TNIK: variants seen among roughly 807,000 people sequenced by gnomAD.
The protein encoded by TNIK is TRAF2 and NCK interacting kinase.
TNIK carries 49 observed loss-of-function variants against 191.3 expected under a neutral mutation model. That is an observed-to-expected ratio of 0.26 (90% confidence interval 0.20 to 0.32). The LOEUF (loss-of-function observed/expected upper bound fraction) is 0.32, where lower values mean the gene tolerates loss of function less well. Ranked by LOEUF, TNIK falls within the 10% of genes least tolerant of loss-of-function variation. The pLI, the probability that TNIK is intolerant of heterozygous loss-of-function variation, is 1.00. For missense variants in TNIK, 1,155 were observed against 1,702.3 expected (o/e 0.68, Z 5.66); for synonymous variants, 594 against 600.9 (o/e 0.99, Z 0.17).
chr3:171,100,787 A>G (rs1327764658), intron 22 of TNIK, among the ~76,000 whole-genome samples: 1 of 152,050 alleles, frequency 6.6e-6, no homozygotes, highest in Non-Finnish European at 1.5e-5. Flanking sequence ...TTACTAAAGA[A>G]AATGTAGGTA....
chr3:171,171,375 G>C (rs1027279906), intron 9 of TNIK, among the ~76,000 whole-genome samples: 2 of 151,822 alleles, frequency 1.3e-5, no homozygotes, highest in African/African-American at 2.4e-5. Flanking sequence ...ATAAAATAAC[G>C]GGGGTGATTT....
At chr3:171,436,197 GACAATACTCTTT>G (rs1726014906) in intron 1 of TNIK, among the ~76,000 whole-genome samples, 1 of 149,838 alleles carries the variant, frequency 6.7e-6, no homozygotes, top group Non-Finnish European at 1.5e-5. Context: ...CTGGTGCTCT[GACAATACTCTTT>G]ATCTATTTTT....
chr3:171,244,324 CAA>C (rs1459223197), intron 2 of TNIK, among the ~76,000 whole-genome samples: 1 of 152,086 alleles, frequency 6.6e-6, no homozygotes, highest in African/African-American at 2.4e-5. Flanking sequence ...CTCGGCCTCC[CAA>C]AGTGCTGGGA....
At chr3:171,272,916 G>A (rs893811728) in intron 2 of TNIK, among the ~76,000 whole-genome samples, 5 of 152,158 alleles carry the variant, frequency 3.3e-5, no homozygotes, top group Non-Finnish European at 5.9e-5. Context: ...TTATGGCCAC[G>A]TACTGATGTT....
intron 7 of TNIK, among the ~76,000 whole-genome samples, chr3:171,182,314 G>A (rs1736769123): frequency 6.6e-6 from 1 of 151,796 alleles, no homozygotes; most frequent in Admixed American, 6.6e-5. Context: ...TCCTTGACAG[G>A]CCTTGTTTAG....
intron 1 of TNIK, chr3:171,439,394 A>C (rs1726466408): frequency 3.3e-5 from 5 of 152,134 alleles, no homozygotes; most frequent in African/African-American, 1.2e-4. Flanking sequence ...AGGTTCAAAA[A>C]CTGGCTCCAT....
chr3:171,328,533 T>G (rs1322609437), intron 2 of TNIK, among the ~76,000 whole-genome samples: 1 of 152,216 alleles, frequency 6.6e-6, no homozygotes, highest in East Asian at 1.9e-4. Flanking sequence ...CAAATTATTT[T>G]AAAGTGAGGA....
intron 1 of TNIK, among the ~76,000 whole-genome samples, chr3:171,380,292 A>G (rs1717861078): frequency 6.6e-6 from 1 of 152,210 alleles, no homozygotes; most frequent in Non-Finnish European, 1.5e-5. Flanking sequence ...GAACCAGACT[A>G]GCAAATATTT....
chr3:171,438,965 C>G (rs1200803411), intron 1 of TNIK, among the ~76,000 whole-genome samples: 2 of 152,152 alleles, frequency 1.3e-5, no homozygotes, highest in Non-Finnish European at 2.9e-5. Context: ...AGAGAGCAGA[C>G]AGTAGTTCTA....
chr3:171,397,173 C>T (rs953382930), intron 1 of TNIK, among the ~76,000 whole-genome samples: 9 of 152,152 alleles, frequency 5.9e-5, no homozygotes, highest in Non-Finnish European at 1.5e-5. Context: ...GTCTGATGTG[C>T]CAGTCTCTAA....
At chr3:171,280,938 A>G (rs1279657612) in intron 2 of TNIK, among the ~76,000 whole-genome samples, 1 of 152,186 alleles carries the variant, frequency 6.6e-6, no homozygotes, top group African/African-American at 2.4e-5. Flanking sequence ...ACCTAGACAA[A>G]ATCTAGAACA....
chr3:171,115,738 A>AAGCCTAG (rs1249689465), intron 18 of TNIK, among the ~76,000 whole-genome samples: 1 of 152,226 alleles, frequency 6.6e-6, no homozygotes, highest in Non-Finnish European at 1.5e-5. Context: ...ATGGCCTTTA[A>AAGCCTAG]AGCCTAGAGG....
intron 2 of TNIK, among the ~76,000 whole-genome samples, chr3:171,307,725 C>T (rs1753599999): frequency 6.6e-6 from 1 of 152,134 alleles, no homozygotes; most frequent in Non-Finnish European, 1.5e-5. Context: ...CATCTCCTGT[C>T]AATGGTCTGG....
chr3:171,108,374 TAAAA>T (rs372751977), intron 19 of TNIK, among the ~76,000 whole-genome samples: 1 of 148,942 alleles, frequency 6.7e-6, no homozygotes. Flanking sequence ...TAGTAACAAT[TAAAA>T]AAAAAAGAAA....
At chr3:171,370,088 C>G (rs1007166078) in intron 1 of TNIK, among the ~76,000 whole-genome samples, 1 of 152,158 alleles carries the variant, frequency 6.6e-6, no homozygotes, top group African/African-American at 2.4e-5. Context: ...AATATCCGAG[C>G]TGTTCATTGT....
chr3:171,116,086 T>C (rs1042821060), intron 18 of TNIK, among the ~76,000 whole-genome samples: 12 of 152,230 alleles, frequency 7.9e-5, no homozygotes, highest in African/African-American at 2.9e-4. Context: ...ATTTAGTCTC[T>C]ATGTTACCAC....
In TNIK at chr3:171,128,794, G is replaced by A. The variant is rs746678764; in HGVS notation, c.1693C>T (p.Pro565Ser). The A allele has an allele frequency of 1.2e-6, 2 of 1,610,206 alleles. No homozygotes were observed. Among genetic ancestry groups the A allele is most frequent in the Non-Finnish European group, 1.7e-6 (2 of 1,178,804 alleles). Reference sequence around the variant, plus strand: ...ATGCTGAAGGACTCCGACCTTGGGGGCAGGTTGGGGTCAGATATCCTGTTG... The same window carrying A: ...ATGCTGAAGGACTCCGACCTTGGGGACAGGTTGGGGTCAGATATCCTGTTG... ...VANRISDPNL[P>S]PRSESFSISG... The change falls in exon 16 of 33, where the codon CCC (proline) becomes TCC (serine). Residue 565 changes from proline to serine, a missense_variant. Coordinates refer to ENST00000436636, the MANE Select transcript of TNIK (RefSeq NM_015028.4).
At chr3:171,419,582 T>G (rs1346125092) in intron 1 of TNIK, among the ~76,000 whole-genome samples, 1 of 152,090 alleles carries the variant, frequency 6.6e-6, no homozygotes, top group Non-Finnish European at 1.5e-5. Context: ...ACAAAGAGCT[T>G]TTGAAGGAAG....
intron 29 of TNIK, among the ~76,000 whole-genome samples, chr3:171,069,421 A>G (rs1242483311): frequency 2.0e-5 from 3 of 152,114 alleles, no homozygotes; most frequent in African/African-American, 7.2e-5. Flanking sequence ...CCTGGGAGGG[A>G]CAGCCAAGGC....
Sources: allele counts gnomAD v4.1 joint callset (sites outside exome capture counted in the v4.1 genomes callset), GRCh38; gene constraint gnomAD v4.1.1; transcripts MANE v1.5; gene names NCBI Gene and HGNC (gene_info 2026-07-23, HGNC 2026-07-21).